The following THRB variants were observed in gnomAD, a reference collection of about 807,000 sequenced individuals.
THRB encodes nuclear receptor subfamily 1 group A member 2.
A neutral mutation model predicts 47.8 loss-of-function variants in THRB; 12 were observed. That is an observed-to-expected ratio of 0.25 (90% CI 0.16 to 0.41). The LOEUF (loss-of-function observed/expected upper bound fraction) is 0.41. Among genes scored for constraint, THRB ranks in the 10% least tolerant of loss-of-function variants. The probability of loss-of-function intolerance (pLI) is 1.00; values close to 1 mark genes in which losing one functional copy is unlikely to be tolerated. For missense variants in THRB, 348 were observed against 589.2 expected, an observed-to-expected ratio of 0.59 and a Z score of 4.24; for synonymous variants, 218 against 212.2, an observed-to-expected ratio of 1.03 and a Z score of -0.24.
intron 3 of THRB, among the ~76,000 whole-genome samples, chr3:24,233,661 C>A (rs887998454): frequency 6.6e-6 from 1 of 150,654 alleles, no homozygotes; most frequent in Non-Finnish European, 1.5e-5. Context: ...TGGGCTGCTA[C>A]ATTTTAAGAA....
At chr3:24,269,906 G>T (rs2053146956) in intron 3 of THRB, among the ~76,000 whole-genome samples, 1 of 151,810 alleles carries the variant, frequency 6.6e-6, no homozygotes, top group Admixed American at 6.6e-5. Flanking sequence ...AATAATTTTG[G>T]TCCTTCCTTC....
intron 2 of THRB, among the ~76,000 whole-genome samples, chr3:24,321,669 T>C (rs2058494431): frequency 6.6e-6 from 1 of 152,056 alleles, no homozygotes; most frequent in Admixed American, 6.6e-5. Flanking sequence ...ACAGTTTTCA[T>C]AAGGTTCCCC....
chr3:24,469,160 T>C (rs2074374494), intron 1 of THRB, among the ~76,000 whole-genome samples: 1 of 152,208 alleles, frequency 6.6e-6, no homozygotes, highest in African/African-American at 2.4e-5. Context: ...AAATGTGTCA[T>C]AGAAAACAGG....
chr3:24,137,611 C>T (rs901527415), intron 8 of THRB, among the ~76,000 whole-genome samples: 4 of 151,964 alleles, frequency 2.6e-5, no homozygotes, highest in East Asian at 3.9e-4. Context: ...AAAGGAGGCC[C>T]GTGTGGTTAG....
intron 3 of THRB, among the ~76,000 whole-genome samples, chr3:24,286,449 T>C (rs965322995): frequency 6.6e-6 from 1 of 152,212 alleles, no homozygotes; most frequent in Non-Finnish European, 1.5e-5. Context: ...GTCACCATCA[T>C]TGGCTAAGAG....
At chr3:24,382,572 G>A (rs912873741) in intron 1 of THRB, among the ~76,000 whole-genome samples, 1 of 151,862 alleles carries the variant, frequency 6.6e-6, no homozygotes, top group Non-Finnish European at 1.5e-5. Flanking sequence ...AGGCATTATT[G>A]AAAGGGGGAG....
chr3:24,468,344 T>A (rs1560262728), intron 1 of THRB, among the ~76,000 whole-genome samples: 2 of 152,220 alleles, frequency 1.3e-5, no homozygotes, highest in Non-Finnish European at 1.5e-5. Flanking sequence ...AGTACCAGTT[T>A]TAATTTTCTT....
intron 1 of THRB, among the ~76,000 whole-genome samples, chr3:24,345,243 A>G (rs2149489541): frequency 6.6e-6 from 1 of 152,270 alleles, no homozygotes; most frequent in South Asian, 2.1e-4. Flanking sequence ...TCTTAGGTAG[A>G]ATTAGATTAT....
intron 1 of THRB, among the ~76,000 whole-genome samples, chr3:24,437,521 G>A (rs1226862186): frequency 6.6e-6 from 1 of 152,144 alleles, no homozygotes; most frequent in Non-Finnish European, 1.5e-5. Flanking sequence ...ATAGCTAGAA[G>A]AGAACTGGAA....
At chr3:24,479,269 T>A (rs919788642) in intron 1 of THRB, among the ~76,000 whole-genome samples, 3 of 152,198 alleles carry the variant, frequency 2.0e-5, no homozygotes, top group African/African-American at 7.2e-5. Context: ...GCCACCGCAC[T>A]CCAGTCTGGG....
intron 3 of THRB, among the ~76,000 whole-genome samples, chr3:24,231,442 T>G (rs919647717): frequency 6.6e-6 from 1 of 152,072 alleles, no homozygotes; most frequent in Admixed American, 6.6e-5. Context: ...ACCACAAAAT[T>G]TGGTACCAAT....
chr3:24,239,265 C>A (rs2049233990), intron 3 of THRB, among the ~76,000 whole-genome samples: 1 of 151,992 alleles, frequency 6.6e-6, no homozygotes, highest in East Asian at 1.9e-4. Context: ...TTGTTTAATT[C>A]TGCTTGGTAA....
At chr3:24,308,666 A>G (rs1015077745) in intron 2 of THRB, among the ~76,000 whole-genome samples, 3 of 152,202 alleles carry the variant, frequency 2.0e-5, no homozygotes, top group Non-Finnish European at 2.9e-5. Flanking sequence ...AGAACTCTAT[A>G]CTTACATTTT....
rs1575231544 is a variant in THRB at position 24,123,053 on chromosome 3, T to C, written c.1217A>G (p.Tyr406Cys). 1.9e-6 allele frequency: 3 copies of C among 1,614,170 alleles called. No individual in the cohort carries two copies. The highest frequency in any genetic ancestry group is 2.5e-6 in the Non-Finnish European group (3 of 1,180,030). The change falls in exon 11 of 11, where the codon TAT becomes TGT. Residue 406 changes from tyrosine (Y) to cysteine (C), a missense_variant. Transcript: ENST00000646209. ...QDSFLLAFEH[Y>C]INYRKHHVTH... The stretch of plus-strand genomic sequence containing the variant: ...CACGTGGTGTTTTCGGTAATTGATA[T>C]AGTGTTCAAAGGCCAGCAGGAAACT...
intron 1 of THRB, among the ~76,000 whole-genome samples, chr3:24,353,101 A>T (rs1224030232): frequency 6.6e-6 from 1 of 152,106 alleles, no homozygotes; most frequent in East Asian, 1.9e-4. Flanking sequence ...TCACATGCAG[A>T]GTAAAAGTGA....
intron 3 of THRB, among the ~76,000 whole-genome samples, chr3:24,267,684 G>C (rs568599054): frequency 6.6e-6 from 1 of 152,080 alleles, no homozygotes; most frequent in Non-Finnish European, 1.5e-5. Flanking sequence ...GAATAATCCC[G>C]GTAGGTTGGT....
At position 24,279,402 on chromosome 3, in the gene THRB, G is replaced by A. The variant is rs142124701; in HGVS notation, c.-43+17824C>T. ...CAATGAGTTCTTTTTTCTTTTTTTT[G>A]AGACGGAGCCTCATTCTGTCGCCCA... On this transcript the variant is annotated intron_variant, in intron 3 of 10. Transcript: ENST00000646209. Among the ~76,000 whole-genome samples the A allele has an allele frequency of 5.2e-3, 781 of 151,496 alleles. 8 individuals carry two copies. Among genetic ancestry groups the A allele is most frequent in the African/African-American group, 0.018 (732 of 41,330 alleles).
intron 1 of THRB, among the ~76,000 whole-genome samples, chr3:24,468,881 A>G (rs888830970): frequency 6.6e-6 from 1 of 152,160 alleles, no homozygotes; most frequent in African/African-American, 2.4e-5. Context: ...TTTCAGTCAC[A>G]TAGTTGCCAC....
chr3:24,330,317 T>TA (rs200628084), intron 2 of THRB, among the ~76,000 whole-genome samples: 18,471 of 145,942 alleles, frequency 0.13, 1,185 homozygotes, highest in East Asian at 0.29. Context: ...CCGTCTCAAA[T>TA]AAAAAAAAAA....
Sources: allele counts gnomAD v4.1 joint callset (sites outside exome capture counted in the v4.1 genomes callset), GRCh38; gene constraint gnomAD v4.1.1; transcripts MANE v1.5; gene names NCBI Gene and HGNC (gene_info 2026-07-23, HGNC 2026-07-21).